Variants in VRK1 observed in about 807,000 individuals in gnomAD.
VRK1 encodes the protein serine/threonine-protein kinase VRK1.
Under a neutral mutation model 57.1 loss-of-function variants are expected in VRK1, and 33 were observed. The ratio of observed to expected loss-of-function variants is 0.58; its 90% CI spans 0.44 to 0.77. VRK1 has a LOEUF of 0.77. Ranked by LOEUF, VRK1 falls within the 30% of genes least tolerant of loss-of-function variation. The pLI, the probability that VRK1 is intolerant of heterozygous loss-of-function variation, is 0.00. For missense variants in VRK1, 413 were observed against 477.3 expected, an observed-to-expected ratio of 0.87 and a Z score of 1.25; for synonymous variants, 137 against 147.8, an observed-to-expected ratio of 0.93 and a Z score of 0.53.
At chr14:96,811,892 T>C (rs1836545866) in intron 1 of VRK1, among the ~76,000 whole-genome samples, 1 of 152,116 alleles carries the variant, frequency 6.6e-6, no homozygotes, top group African/African-American at 2.4e-5. Context: ...ACCATCACCA[T>C]AATCTAATTT....
chr14:96,863,916 C>CT (rs1888482043), intron 11 of VRK1, among the ~76,000 whole-genome samples: 1 of 152,162 alleles, frequency 6.6e-6, no homozygotes, highest in African/African-American at 2.4e-5. Flanking sequence ...TCCTTTCTTT[C>CT]TGAAGGGATT....
At chr14:96,811,188 C>T (rs563574198) in intron 1 of VRK1, among the ~76,000 whole-genome samples, 1 of 152,218 alleles carries the variant, frequency 6.6e-6, no homozygotes, top group East Asian at 1.9e-4. Context: ...ACCTTGGCCT[C>T]CCAAAGTGCA....
rs1015017905 is a variant in VRK1 at position 96,881,271 on chromosome 14, A to G, written c.*63A>G. On this transcript the variant is annotated 3_prime_UTR_variant, in exon 13 of 13. Coordinates refer to ENST00000216639, the MANE Select transcript of VRK1 (RefSeq NM_003384.3). Reference sequence around the variant, plus strand: ...TCTTTTGACTTTTTTCTCCTTTTCTATTTGAACTGTTTTATTTTCCTGTGA... The same window carrying G: ...TCTTTTGACTTTTTTCTCCTTTTCTGTTTGAACTGTTTTATTTTCCTGTGA... 59 of 1,448,224 alleles carry G rather than the reference A, an allele frequency of 4.1e-5. 1 individual carries two copies. In the Admixed American group the frequency reaches 9.3e-4, roughly 23 times the overall value. 89.7% of individuals were successfully genotyped at this position (1,448,224 alleles called of 1,614,324 possible). A position where few individuals can be genotyped will look rare whatever the true frequency, so the allele number is the denominator to read the frequency against.
chr14:96,816,491 C>G (rs935580096), intron 1 of VRK1, among the ~76,000 whole-genome samples: 1 of 152,144 alleles, frequency 6.6e-6, no homozygotes, highest in African/African-American at 2.4e-5. Flanking sequence ...TAGACCCTCC[C>G]CCAAATTACT....
chr14:96,832,245 A>G (rs912137290), intron 1 of VRK1, among the ~76,000 whole-genome samples: 3 of 152,156 alleles, frequency 2.0e-5, no homozygotes, highest in Admixed American at 6.6e-5. Context: ...TAGCATGTCT[A>G]GGCTCAAAAC....
At chr14:96,857,567 G>T (rs553546432) in intron 10 of VRK1, among the ~76,000 whole-genome samples, 2 of 152,146 alleles carry the variant, frequency 1.3e-5, no homozygotes, top group African/African-American at 4.8e-5. Flanking sequence ...AGGGTCTCCT[G>T]CTTCTGGCAT....
At chr14:96,812,957 G>A (rs80249280) in intron 1 of VRK1, among the ~76,000 whole-genome samples, 2,281 of 152,264 alleles carry the variant, frequency 0.015, 65 homozygotes, top group African/African-American at 0.052. Context: ...AAGGAAAAAA[G>A]ACCTGGAGAA....
intron 1 of VRK1, among the ~76,000 whole-genome samples, chr14:96,811,822 A>G (rs978516678): frequency 6.6e-6 from 1 of 151,540 alleles, no homozygotes; most frequent in Non-Finnish European, 1.5e-5. Flanking sequence ...CTTACATACC[A>G]TACAATTCAT....
chr14:96,837,173 C>G (rs577703835), intron 2 of VRK1, among the ~76,000 whole-genome samples: 70 of 152,278 alleles, frequency 4.6e-4, no homozygotes, highest in Middle Eastern at 3.4e-3. Context: ...TGAATATGGG[C>G]AACCTTATAT....
chr14:96,879,925 T>G (rs1889187643), intron 12 of VRK1, among the ~76,000 whole-genome samples: 4 of 138,888 alleles, frequency 2.9e-5, no homozygotes. Flanking sequence ...AGACTCCCTC[T>G]CAAAAAAAAA....
At chr14:96,873,539 A>G (rs1283229358) in intron 11 of VRK1, among the ~76,000 whole-genome samples, 1 of 152,192 alleles carries the variant, frequency 6.6e-6, no homozygotes, top group African/African-American at 2.4e-5. Context: ...TTCATATTAA[A>G]CGCAAAGGCA....
intron 1 of VRK1, among the ~76,000 whole-genome samples, chr14:96,798,955 T>G (rs1885550599): frequency 6.6e-6 from 1 of 152,218 alleles, no homozygotes; most frequent in Non-Finnish European, 1.5e-5. Flanking sequence ...ATCTCAACAT[T>G]GCTGATCAGA....
At chr14:96,871,877 T>C (rs545345560) in intron 11 of VRK1, among the ~76,000 whole-genome samples, 80 of 152,258 alleles carry the variant, frequency 5.3e-4, no homozygotes, top group East Asian at 1.5e-3. Flanking sequence ...CTGGAGTTCA[T>C]TGGTGTGATC....
chr14:96,817,753 A>G (rs529726135), intron 1 of VRK1, among the ~76,000 whole-genome samples: 183 of 152,358 alleles, frequency 1.2e-3, no homozygotes, highest in Non-Finnish European at 2.2e-3. Flanking sequence ...TCTATTTACC[A>G]GATTTTGAAA....
At position 96,856,252 on chromosome 14, in the gene VRK1, TA is replaced by T; in HGVS notation, c.830+5del. 1 of 1,612,632 alleles carries T rather than the reference TA, an allele frequency of 6.2e-7. No homozygotes were observed. The highest frequency in any genetic ancestry group is 1.1e-5 in the South Asian group (1 of 90,850). On this transcript the variant is annotated splice_donor_region_variant and intron_variant, in intron 9 of 12. Transcript: ENST00000216639. Reference sequence around the variant, plus strand: ...ATATGTTAGAGATTCCAAAATTAGGTAAAGGAAAACTTAAGTTATTTCTAGC... The same window carrying T: ...ATATGTTAGAGATTCCAAAATTAGGTAAGGAAAACTTAAGTTATTTCTAGC...
At chr14:96,853,020 C>T (rs1233335527) in intron 6 of VRK1, 54 bp from the exon 7 acceptor site, 36 of 1,606,532 alleles carry the variant, frequency 2.2e-5, no homozygotes, top group Non-Finnish European at 3.1e-5. Flanking sequence ...GCTTGGTCCT[C>T]TGCTGGCTGG....
chr14:96,870,519 A>G (rs927523161), intron 11 of VRK1, among the ~76,000 whole-genome samples: 2 of 152,202 alleles, frequency 1.3e-5, no homozygotes, highest in Admixed American at 6.5e-5. Flanking sequence ...TTAGTCTTCT[A>G]GACCGTAGTT....
chr14:96,801,302 C>A (rs1432508999), intron 1 of VRK1, among the ~76,000 whole-genome samples: 1 of 152,118 alleles, frequency 6.6e-6, no homozygotes, highest in Admixed American at 6.6e-5. Context: ...TTGTTTTTAT[C>A]AAGTGACAGC....
chr14:96,876,811 C>G (rs1291642599), intron 12 of VRK1, among the ~76,000 whole-genome samples: 1 of 142,314 alleles, frequency 7.0e-6, no homozygotes, highest in Non-Finnish European at 1.5e-5. Flanking sequence ...ACAAAAAAAA[C>G]AAGGTATGAA....
Sources: allele counts gnomAD v4.1 joint callset (sites outside exome capture counted in the v4.1 genomes callset), GRCh38; gene constraint gnomAD v4.1.1; transcripts MANE v1.5; gene names NCBI Gene and HGNC (gene_info 2026-07-23, HGNC 2026-07-21).